The following SPATA6 variants were observed in gnomAD, a reference collection of about 807,000 sequenced individuals.
SPATA6 encodes the protein spermatogenesis associated 6.
A neutral mutation model predicts 65.3 loss-of-function variants in SPATA6; 56 were observed. That is an observed-to-expected ratio of 0.86 (90% CI 0.69 to 1.07). SPATA6 has a LOEUF of 1.07. Ranked by LOEUF, SPATA6 falls within the 50% of genes least tolerant of loss-of-function variation. SPATA6 has a pLI of 0.00. For synonymous variants in SPATA6, 199 were observed against 213.2 expected (o/e 0.93, Z 0.58); for missense variants, 590 against 594.8 (o/e 0.99, Z 0.08).
chr1:48,329,926 G>A (rs1298888059), intron 11 of SPATA6, among the ~76,000 whole-genome samples: 1 of 152,202 alleles, frequency 6.6e-6, no homozygotes, highest in Non-Finnish European at 1.5e-5. Context: ...TCTAGACTGA[G>A]GCAGAGAGCC....
intron 9 of SPATA6, among the ~76,000 whole-genome samples, chr1:48,360,602 G>A (rs1646784648): frequency 6.6e-6 from 1 of 152,146 alleles, no homozygotes; most frequent in Non-Finnish European, 1.5e-5. Context: ...CGACTGGGTA[G>A]TAAGAAATGA....
rs148492811 is a variant in SPATA6 at position 48,465,585 on chromosome 1, A to C, written c.51+6373T>G. Among the ~76,000 whole-genome samples the C allele has an allele frequency of 5.3e-3, 808 of 152,314 alleles. 22 individuals carry two copies. The highest frequency in any genetic ancestry group is 0.05 in the South Asian group (243 of 4,830). On this transcript the variant is annotated intron_variant, in intron 1 of 12. Transcript: ENST00000371847. ...AATATCCTAATTAAAGTTTGAAAAAATACAGAAATACTTTATAAGAAAATA... is the reference window on the plus strand; with the variant it reads ...AATATCCTAATTAAAGTTTGAAAAACTACAGAAATACTTTATAAGAAAATA...
rs765432724 is a variant in SPATA6 at position 48,411,579 on chromosome 1, G to A, written c.290C>T (p.Thr97Ile). ...LIQLVPPVGETLSTYDENTRD... is the reference protein window; with the variant it reads ...LIQLVPPVGEILSTYDENTRD... ...TGTATTTTCGTCATACGTAGACAGT[G>A]TTTCACCCACTACAAGAAAGATACC... Residue 97 changes from threonine (T) to isoleucine (I), a missense_variant, in exon 5 of 13, where the codon ACA becomes ATA. Thr to Ile is a moderately conservative substitution (Grantham distance 89, BLOSUM62 -1). Transcript: ENST00000371847. The A allele has an allele frequency of 6.3e-7, 1 of 1,585,788 alleles. No individual in the cohort carries two copies.
At chr1:48,411,041 T>G (rs1156895601) in intron 5 of SPATA6, among the ~76,000 whole-genome samples, 1 of 152,258 alleles carries the variant, frequency 6.6e-6, no homozygotes, top group South Asian at 2.1e-4. Context: ...TACTAATGAG[T>G]TAGAGTATTT....
intron 3 of SPATA6, among the ~76,000 whole-genome samples, chr1:48,417,019 C>T (rs1652845796): frequency 6.6e-6 from 1 of 151,936 alleles, no homozygotes; most frequent in Non-Finnish European, 1.5e-5. Flanking sequence ...TAAAACTTTC[C>T]CTCTGAGATA....
chr1:48,376,628 G>A (rs1207008087), intron 9 of SPATA6, among the ~76,000 whole-genome samples: 1 of 151,274 alleles, frequency 6.6e-6, no homozygotes, highest in Non-Finnish European at 1.5e-5. Context: ...TTTTCTCTAT[G>A]AGAACACATT....
chr1:48,264,243 G>GGAA, the SPATA6 span, among the ~76,000 whole-genome samples: 1 of 152,038 alleles, frequency 6.6e-6, no homozygotes, highest in East Asian at 1.9e-4. Flanking sequence ...TATTTTTGGG[G>GGAA]GAAGAAGACA....
At chr1:48,450,873 CT>C (rs1288158633) in intron 3 of SPATA6, among the ~76,000 whole-genome samples, 2 of 152,128 alleles carry the variant, frequency 1.3e-5, no homozygotes, top group Non-Finnish European at 2.9e-5. Flanking sequence ...TTTTACTGGC[CT>C]TTTGAGCCAC....
intron 11 of SPATA6, among the ~76,000 whole-genome samples, chr1:48,323,466 TA>T: frequency 6.6e-6 from 1 of 152,096 alleles, no homozygotes; most frequent in African/African-American, 2.4e-5. Flanking sequence ...ATACCTGACG[TA>T]AATGATGAGT....
chr1:48,276,291 C>G, the SPATA6 span, among the ~76,000 whole-genome samples: 1 of 152,180 alleles, frequency 6.6e-6, no homozygotes, highest in Non-Finnish European at 1.5e-5. Flanking sequence ...AATCCAGTTC[C>G]TGGAGTCATT....
chr1:48,284,110 T>A, the SPATA6 span, among the ~76,000 whole-genome samples: 1 of 152,206 alleles, frequency 6.6e-6, no homozygotes, highest in Non-Finnish European at 1.5e-5. Flanking sequence ...CCATATTTCT[T>A]GGTGGCTTTG....
At chr1:48,436,044 T>C in intron 3 of SPATA6, 13 of 1,609,162 alleles carry the variant, frequency 8.1e-6, no homozygotes, top group Non-Finnish European at 1.0e-5. Context: ...CTGAAACCAG[T>C]ATCCATCAAT....
intron 6 of SPATA6, chr1:48,401,010 G>T: frequency 4.9e-6 from 1 of 204,932 alleles, no homozygotes; most frequent in Non-Finnish European, 9.5e-6. Context: ...GGAATCATGA[G>T]TTTCTGTCTT....
In SPATA6 at chr1:48,387,691, T is replaced by C. The variant is rs1649621234; in HGVS notation, c.869-2342A>G. Reference sequence around the variant, plus strand: ...CCTCCTCCCATGCCAGACCATATAGTTTGAGGGCCAGAAGACTGCCCAGCC... The same window carrying C: ...CCTCCTCCCATGCCAGACCATATAGCTTGAGGGCCAGAAGACTGCCCAGCC... On this transcript the variant is annotated intron_variant, in intron 8 of 12. Transcript: ENST00000371847. 2.6e-5 allele frequency among the ~76,000 whole-genome samples: 4 copies of C among 151,950 alleles called. No individual in the cohort carries two copies. The South Asian group carries it at 8.3e-4, about 32-fold the overall frequency.
At chr1:48,436,169 T>C (rs1017400040) in intron 3 of SPATA6, 2 of 1,610,794 alleles carry the variant, frequency 1.2e-6, no homozygotes, top group Non-Finnish European at 1.7e-6. Flanking sequence ...GGAAGAGGAT[T>C]TGACAACTTG....
At chr1:48,446,783 T>A (rs1361625675) in intron 3 of SPATA6, among the ~76,000 whole-genome samples, 1 of 152,154 alleles carries the variant, frequency 6.6e-6, no homozygotes, top group African/African-American at 2.4e-5. Flanking sequence ...CCCAAAAGAA[T>A]ACAATCAGAA....
At chr1:48,432,205 T>C (rs879647982) in intron 3 of SPATA6, among the ~76,000 whole-genome samples, 2 of 152,032 alleles carry the variant, frequency 1.3e-5, no homozygotes, top group African/African-American at 2.4e-5. Flanking sequence ...TAAAAATATA[T>C]AGAACAAAGG....
intron 3 of SPATA6, among the ~76,000 whole-genome samples, chr1:48,427,174 A>C (rs1322429724): frequency 4.6e-5 from 7 of 152,082 alleles, no homozygotes; most frequent in Non-Finnish European, 1.5e-5. Flanking sequence ...GCAATTCTCC[A>C]GCCTACGCTT....
At chr1:48,470,627 C>G (rs1170112264) in intron 1 of SPATA6, among the ~76,000 whole-genome samples, 4 of 152,132 alleles carry the variant, frequency 2.6e-5, no homozygotes, top group Non-Finnish European at 5.9e-5. Flanking sequence ...TAAGACCTAA[C>G]AAAAGACCTA....
Sources: gnomAD v4.1 joint callset for allele counts (sites outside exome capture counted in the v4.1 genomes callset) on GRCh38, gnomAD v4.1.1 for gene constraint, MANE v1.5 for transcripts, NCBI Gene and HGNC (gene_info 2026-07-23, HGNC 2026-07-21) for gene names.